The following GLB1L variants were observed in gnomAD, a reference collection of about 807,000 sequenced individuals.
GLB1L encodes galactosidase beta 1 like.
In GLB1L, 58 loss-of-function variants were observed where a neutral mutation model predicts 75.7. The ratio of observed to expected loss-of-function variants is 0.77; its 90% CI spans 0.62 to 0.95. The LOEUF is 0.95. GLB1L is among the 40% of genes least tolerant of loss of function. The pLI is 0.00. For missense variants in GLB1L, 797 were observed against 805.5 expected (o/e 0.99, Z 0.13); for synonymous variants, 296 against 303.0 (o/e 0.98, Z 0.24).
Position 219,239,799 on chromosome 2 carries a change from C to G in GLB1L, c.756G>C (p.Arg252=), listed in dbSNP as rs1176039381. ...DNMTKIFTLL[R]KYEPHGPLVN... ...CCAATGGCCCATGGGGTTCATACTT[C>G]CGAAGCAGGGTAAAGATTTTGGTCA... Residue 252 remains arginine (R), a synonymous_variant, in exon 8 of 17, where the codon CGG becomes CGC. Transcript: ENST00000295759. 6.2e-7 allele frequency: 1 copy of G among 1,614,080 alleles called. No homozygotes were observed. The highest frequency in any genetic ancestry group is 8.5e-7 in the Non-Finnish European group (1 of 1,180,046).
At chr2:219,238,072 C>T in intron 14 of GLB1L, 115 bp from the exon 15 acceptor site, 1 of 1,153,180 alleles carries the variant, frequency 8.7e-7, no homozygotes, top group Non-Finnish European at 1.3e-6. Context: ...AGCCATCTAT[C>T]ACCCATCTAT....
chr2:219,244,459 G>T (rs1227786564), intron 1 of GLB1L, among the ~76,000 whole-genome samples: 2 of 152,188 alleles, frequency 1.3e-5, no homozygotes, highest in Non-Finnish European at 2.9e-5. Flanking sequence ...GGGTGTGGAA[G>T]GGAGGAACCA....
Position 219,236,760 on chromosome 2 carries a change from C to CCTT in GLB1L, c.*311_*312insAAG. 1 of 125,024 alleles carries CCTT rather than the reference C, an allele frequency of 8.0e-6. No individual in the cohort carries two copies. The highest frequency in any genetic ancestry group is 1.4e-5 in the Non-Finnish European group (1 of 69,818). The allele number at this position is 125,024 out of a possible 1,614,324, so 7.7% of individuals were successfully genotyped here. A position where few individuals can be genotyped will look rare whatever the true frequency, so the allele number is the denominator to read the frequency against. On this transcript the variant is annotated 3_prime_UTR_variant, in exon 17 of 17. Transcript: ENST00000295759. ...CTCCATGTCCCAGGTCCAAGGGTTA[C>CCTT]TTTTTTTTTTTTTTTTTTTTTTGAG...
chr2:219,243,066 C>T (rs534106276), intron 3 of GLB1L, 82 bp downstream of exon 3: 10 of 1,549,024 alleles, frequency 6.5e-6, no homozygotes, highest in South Asian at 1.2e-5. Flanking sequence ...TCCTGGCAGT[C>T]TTCCTGTCCC....
chr2:219,241,261 C>T (rs1047837894), intron 5 of GLB1L, among the ~76,000 whole-genome samples: 31 of 151,198 alleles, frequency 2.1e-4, no homozygotes, highest in African/African-American at 7.5e-4. Flanking sequence ...CACCTGTAGT[C>T]CCAGCTACTC....
chr2:219,244,647 T>C (rs1951484582), intron 1 of GLB1L, among the ~76,000 whole-genome samples: 5 of 152,240 alleles, frequency 3.3e-5, no homozygotes, highest in Admixed American at 3.3e-4. Context: ...GAATTTCCGT[T>C]CCTTTTGCCT....
intron 5 of GLB1L, among the ~76,000 whole-genome samples, chr2:219,241,093 C>T (rs1951373856): frequency 6.9e-6 from 1 of 145,710 alleles, no homozygotes; most frequent in Non-Finnish European, 1.5e-5. Context: ...AAAAAAATAA[C>T]AATTATGCCG....
chr2:219,239,929 A>G lies in GLB1L; in HGVS notation c.712T>C (p.Phe238Leu). Residue 238 changes from phenylalanine to leucine, a missense_variant, in exon 7 of 17, where the codon TTT (phenylalanine) becomes CTT (leucine). By Grantham distance (22) the Phe-to-Leu change is conservative (BLOSUM62 0). Transcript: ENST00000295759. ...AGCCCTTGCTTGAGACCTGGGCCAA[A>G]ATCTACAGTGGTATAGAGTCCCCGG... ...SLRGLYTTVD[F>L]GPADNMTKIF... 1.2e-6 allele frequency: 2 copies of G among 1,614,126 alleles called. No homozygotes were observed. The highest frequency in any genetic ancestry group is 1.7e-6 in the Non-Finnish European group (2 of 1,180,044).
At chr2:219,241,435 T>C (rs1559266527) in intron 5 of GLB1L, among the ~76,000 whole-genome samples, 1 of 68,030 alleles carries the variant, frequency 1.5e-5, no homozygotes, top group African/African-American at 4.9e-5. Flanking sequence ...TGTGTGTGTG[T>C]GTGTGTGTAT....
In GLB1L at chr2:219,243,170, T is replaced by C. The variant is rs1476937652; in HGVS notation, c.217A>G (p.Ser73Gly). ...WADRLLKMRW[S>G]GLNAIQFYVP... is the part of the protein sequence containing the mutation. Reference sequence around the variant, plus strand: ...TACAACTGTATGGCGTTGAGGCCGCTCCATCGCATCTTCAAAAGCCGGTCG... The same window carrying C: ...TACAACTGTATGGCGTTGAGGCCGCCCCATCGCATCTTCAAAAGCCGGTCG... The change falls in exon 3 of 17, where the codon AGC (serine) becomes GGC (glycine). Residue 73 changes from serine (S) to glycine (G), a missense_variant. Coordinates refer to ENST00000295759, the MANE Select transcript of GLB1L (RefSeq NM_001286423.2). 1.2e-6 allele frequency: 2 copies of C among 1,612,288 alleles called. No individual in the cohort carries two copies. The highest frequency in any genetic ancestry group is 1.7e-5 in the Admixed American group (1 of 59,650).
rs750109380 is a variant in GLB1L, at chr2:219,238,743, T to G, written c.1099A>C (p.Ser367Arg). The G allele has an allele frequency of 8.1e-6, 13 of 1,613,838 alleles. No homozygotes were observed. In the Admixed American group the frequency reaches 8.3e-5, roughly 10 times the overall value. ...ACAGGTCCAAGCATCATCTTGGGGC[T>G]CGGGGGAGGTAAAGGTCCCAAAGGA... ...EVPLGPLPPP[S>R]PKMMLGPVTL... Residue 367 changes from serine (S) to arginine (R), a missense_variant, in exon 12 of 17, where the codon AGC (serine) becomes CGC (arginine). Coordinates refer to ENST00000295759, the MANE Select transcript of GLB1L (RefSeq NM_001286423.2).
At chr2:219,241,442 G>GTATATATATATA (rs1212111892) in intron 5 of GLB1L, among the ~76,000 whole-genome samples, 27 of 82,886 alleles carry the variant, frequency 3.3e-4, no homozygotes, top group East Asian at 1.1e-3. Flanking sequence ...GTGTGTGTGT[G>GTATATATATATA]TATATATATA....
rs1951326616 is a variant in GLB1L at position 219,239,222 on chromosome 2, C to A, written c.944-12G>T. 6.3e-7 allele frequency: 1 copy of A among 1,584,024 alleles called. No individual in the cohort carries two copies. The highest frequency in any genetic ancestry group is 8.6e-7 in the Non-Finnish European group (1 of 1,156,232). On this transcript the variant is annotated splice_polypyrimidine_tract_variant and intron_variant, in intron 10 of 16. Coordinates refer to ENST00000295759, the MANE Select transcript of GLB1L (RefSeq NM_001286423.2). ...CTTCTTATCGGCACCTGAAGTTGAGCCAATTTAATTAATTCAACATGTATT... is the reference window on the plus strand; with the variant it reads ...CTTCTTATCGGCACCTGAAGTTGAGACAATTTAATTAATTCAACATGTATT...
chr2:219,237,832 G>A lies in GLB1L; in HGVS notation c.1467C>T (p.Asp489=), dbSNP rs751128877. Residue 489 remains aspartate, a synonymous_variant, in exon 15 of 17, where the codon GAC becomes GAT. Coordinates refer to ENST00000295759, the MANE Select transcript of GLB1L (RefSeq NM_001286423.2). ...GRLSFGSNSS[D]FKGLLKPPIL... The stretch of plus-strand genomic sequence containing the variant: ...CTAGGCAAAGCTAGCTCACCTTGAA[G>A]TCACTGCTGTTAGACCCAAAGCTGA... 1 of 1,614,146 alleles carries A rather than the reference G, an allele frequency of 6.2e-7. No homozygotes were observed. The highest frequency in any genetic ancestry group is 1.1e-5 in the South Asian group (1 of 91,086).
rs1421766512 is a variant in GLB1L at position 219,236,973 on chromosome 2, C to A, written c.*99G>T. On this transcript the variant is annotated 3_prime_UTR_variant, in exon 17 of 17. Transcript: ENST00000295759. ...TGGAGACGGGGTTTCACCATGTTGG[C>A]CAGGCTGGTCTTGAAGTCCTGACCT... The A allele has an allele frequency of 1.2e-6, 1 of 838,002 alleles. No individual in the cohort carries two copies. The highest frequency in any genetic ancestry group is 2.5e-5 in the East Asian group (1 of 39,372). 51.9% of individuals were successfully genotyped at this position (838,002 alleles called of 1,614,324 possible). A position where few individuals can be genotyped will look rare whatever the true frequency, so the allele number is the denominator to read the frequency against.
Position 219,243,551 on chromosome 2 carries a change from C to A in GLB1L, c.23G>T (p.Cys8Phe), listed in dbSNP as rs779225654. 2.5e-6 allele frequency: 4 copies of A among 1,614,106 alleles called. No individual in the cohort carries two copies. In the African/African-American group the frequency reaches 4.0e-5, roughly 16 times the overall value. ...GAGCGGCAGCAGCAGGGAACGAAGG[C>A]AGGACAGCTTCTTGGGAGCCATGGC... MAPKKLS[C>F]LRSLLLPLSL... The change falls in exon 2 of 17, where the codon TGC becomes TTC. Residue 8 changes from cysteine to phenylalanine, a missense_variant. Cys to Phe is a radical substitution (Grantham distance 205, BLOSUM62 -2). Coordinates refer to ENST00000295759, the MANE Select transcript of GLB1L (RefSeq NM_001286423.2).
intron 14 of GLB1L, 137 bp from the exon 15 acceptor site, chr2:219,238,094 A>G (rs1031631426): frequency 5.6e-6 from 6 of 1,079,708 alleles, no homozygotes; most frequent in African/African-American, 1.6e-5. Flanking sequence ...CTAGAATTCT[A>G]TCCTTAATCA....
At chr2:219,238,620 G>A in intron 12 of GLB1L, 36 bp from the exon 13 acceptor site, 1 of 1,601,866 alleles carries the variant, frequency 6.2e-7, no homozygotes, top group South Asian at 1.1e-5. Flanking sequence ...GAATATCAGG[G>A]AAGTTTCTGG....
At chr2:219,244,447 C>T (rs957458391) in intron 1 of GLB1L, among the ~76,000 whole-genome samples, 2 of 152,112 alleles carry the variant, frequency 1.3e-5, no homozygotes, top group African/African-American at 4.8e-5. Context: ...CAGGGTGATC[C>T]GGGGTGTGGA....
Sources: gnomAD v4.1 joint callset for allele counts (sites outside exome capture counted in the v4.1 genomes callset) on GRCh38, gnomAD v4.1.1 for gene constraint, MANE v1.5 for transcripts, NCBI Gene and HGNC (gene_info 2026-07-23, HGNC 2026-07-21) for gene names.